Variants in KIAA1614 observed in about 807,000 individuals in gnomAD.
The protein encoded by KIAA1614 is KIAA1614.
In KIAA1614, 76 loss-of-function variants were observed where a neutral mutation model predicts 88.7. That is an observed-to-expected ratio of 0.86 (90% CI 0.71 to 1.04). The LOEUF (loss-of-function observed/expected upper bound fraction) is 1.04, where lower values mean the gene tolerates loss of function less well. Among genes scored for constraint, KIAA1614 ranks in the 50% least tolerant of loss-of-function variants. KIAA1614 has a pLI of 0.00. For synonymous variants in KIAA1614, 714 were observed against 675.5 expected, an observed-to-expected ratio of 1.06 and a Z score of -0.88; for missense variants, 1,553 against 1,582.5, an observed-to-expected ratio of 0.98 and a Z score of 0.32.
chr1:180,936,393 T>C lies in KIAA1614; in HGVS notation c.2484T>C (p.Ala828=), dbSNP rs1247013167. The part of the protein sequence containing the change: ...SPVSHRKAAL[A]GLLRLGDQTE... ...TGTCTCACAGGAAGGCAGCCCTGGCTGGACTGCTCAGGCTGGGTGACCAGA... is the reference window on the plus strand; with the variant it reads ...TGTCTCACAGGAAGGCAGCCCTGGCCGGACTGCTCAGGCTGGGTGACCAGA... Residue 828 remains alanine, a synonymous_variant, in exon 5 of 9, where the codon GCT becomes GCC. Transcript: ENST00000367588. 2.5e-6 allele frequency: 4 copies of C among 1,614,090 alleles called. No individual in the cohort carries two copies. Among genetic ancestry groups the C allele is most frequent in the African/African-American group, 1.3e-5 (1 of 74,946 alleles).
intron 1 of KIAA1614, among the ~76,000 whole-genome samples, chr1:180,913,623 A>C (rs1315520378): frequency 1.3e-5 from 2 of 152,060 alleles, no homozygotes; most frequent in African/African-American, 4.8e-5. Flanking sequence ...CCCATCAACA[A>C]TTCTTACTTT....
At chr1:180,919,197 G>A (rs915246279) in intron 3 of KIAA1614, among the ~76,000 whole-genome samples, 4 of 152,170 alleles carry the variant, frequency 2.6e-5, no homozygotes, top group African/African-American at 4.8e-5. Flanking sequence ...TTAACCAAGC[G>A]AGGGCAGCCC....
chr1:180,950,185 G>T lies in KIAA1614; in HGVS notation c.*4597G>T, dbSNP rs1162203107. ...TGGTTGTGAGATGGAATAATGAGGG[G>T]TGTGTGTATGTGTGCATGCGCACAG... On this transcript the variant is annotated 3_prime_UTR_variant, in exon 9 of 9. Coordinates refer to ENST00000367588, the MANE Select transcript of KIAA1614 (RefSeq NM_020950.2). 2 of 235,574 alleles carry T rather than the reference G, an allele frequency of 8.5e-6. No homozygotes were observed. The highest frequency in any genetic ancestry group is 1.6e-5 in the Non-Finnish European group (2 of 127,680). The allele number at this position is 235,574 out of a possible 1,614,324, so 14.6% of individuals were successfully genotyped here. A position where few individuals can be genotyped will look rare whatever the true frequency, so the allele number is the denominator to read the frequency against.
rs1654605495 is a variant in KIAA1614 at position 180,946,771 on chromosome 1, T to G, written c.*1183T>G. On this transcript the variant is annotated 3_prime_UTR_variant, in exon 9 of 9. Transcript: ENST00000367588. The stretch of plus-strand genomic sequence containing the variant: ...GCTACCACATTTGCAGACCACAGCA[T>G]GAGTTCTCATGTCTGTTCCATCATT... The G allele has an allele frequency of 6.6e-6, 1 of 152,240 alleles. No homozygotes were observed. Among genetic ancestry groups the G allele is most frequent in the Non-Finnish European group, 1.5e-5 (1 of 68,056 alleles). 9.4% of individuals were successfully genotyped at this position (152,240 alleles called of 1,614,324 possible).
At chr1:180,928,647 T>A in intron 4 of KIAA1614, 74 bp downstream of exon 4, 1 of 1,471,926 alleles carries the variant, frequency 6.8e-7, no homozygotes, top group Non-Finnish European at 9.1e-7. Flanking sequence ...AGAAGTGGGA[T>A]CTAGCCAAAT....
Position 180,917,926 on chromosome 1 carries a change from G to A in KIAA1614, c.1061+12G>A. ...TCCGGCCAGAACAGGTAAGAGCTCAGAGCCCACATTTTCTCTCCCTCCCTC... is the reference window on the plus strand; with the variant it reads ...TCCGGCCAGAACAGGTAAGAGCTCAAAGCCCACATTTTCTCTCCCTCCCTC... On this transcript the variant is annotated intron_variant, in intron 3 of 8. Coordinates refer to ENST00000367588, the MANE Select transcript of KIAA1614 (RefSeq NM_020950.2). 6.2e-7 allele frequency: 1 copy of A among 1,612,300 alleles called. No homozygotes were observed. Among genetic ancestry groups the A allele is most frequent in the Non-Finnish European group, 8.5e-7 (1 of 1,178,680 alleles).
chr1:180,917,101 G>A lies in KIAA1614; in HGVS notation c.997+1G>A. ...CCATCCTGGGACACAGCTGCACCAG[G>A]TGAAGCTCACTGTGTAGGTCCAGGT... On this transcript the variant is annotated splice_donor_variant, in intron 2 of 8. Transcript: ENST00000367588. LOFTEE classifies it high-confidence loss of function. 6.2e-7 allele frequency: 1 copy of A among 1,611,514 alleles called. No homozygotes were observed. Among genetic ancestry groups the A allele is most frequent in the Admixed American group, 1.7e-5 (1 of 59,912 alleles).
rs527875932 is a variant in KIAA1614 at position 180,913,361 on chromosome 1, G to A, written c.50+68G>A. ...GGCGGACCGGCGGGGCGGAGGAGCG[G>A]GGAGCCCAGGTCGCCCCGGCCACTG... On this transcript the variant is annotated intron_variant, in intron 1 of 8. Transcript: ENST00000367588. 255 of 1,086,832 alleles carry A rather than the reference G, an allele frequency of 2.3e-4. No homozygotes were observed. In the African/African-American group the frequency reaches 3.8e-3, roughly 16 times the overall value. 67.3% of individuals were successfully genotyped at this position (1,086,832 alleles called of 1,614,324 possible).
At position 180,935,567 on chromosome 1, in the gene KIAA1614, C is replaced by T. The variant is rs750300070; in HGVS notation, c.1658C>T (p.Ala553Val). Reference protein sequence around the residue: ...IDDPRPAQGKAPPVPRTLQEL... With the variant: ...IDDPRPAQGKVPPVPRTLQEL... ...GACCCGCGCCCCGCCCAGGGGAAGGCGCCCCCCGTCCCCAGGACCCTCCAG... is the reference window on the plus strand; with the variant it reads ...GACCCGCGCCCCGCCCAGGGGAAGGTGCCCCCCGTCCCCAGGACCCTCCAG... The change falls in exon 5 of 9, where the codon GCG becomes GTG. Residue 553 changes from alanine to valine, a missense_variant. Physicochemically the swap from Ala to Val is moderately conservative, Grantham distance 64. Coordinates refer to ENST00000367588, the MANE Select transcript of KIAA1614 (RefSeq NM_020950.2). This position sits in a 1 kb window ranked among gnomAD's most constrained non-coding sequence, Gnocchi z 6.1. The T allele has an allele frequency of 6.2e-7, 1 of 1,602,114 alleles. No individual in the cohort carries two copies. Among genetic ancestry groups the T allele is most frequent in the African/African-American group, 1.3e-5 (1 of 74,800 alleles).
chr1:180,916,049 T>G (rs1253912590), intron 1 of KIAA1614, 105 bp from the exon 2 acceptor site: 1 of 700,210 alleles, frequency 1.4e-6, no homozygotes, highest in Non-Finnish European at 2.3e-6. Context: ...TCCAGGTTAC[T>G]TTCATCTGGA....
rs200763427 is a variant in KIAA1614 at position 180,916,400 on chromosome 1, G to A, written c.297G>A (p.Gln99=). Residue 99 remains glutamine (Q), a synonymous_variant, in exon 2 of 9, where the codon CAG becomes CAA. Transcript: ENST00000367588. ...ALKEKMTVAK[Q]GVSPCSASQE... is the part of the protein sequence containing the mutation. ...AGGAGAAGATGACAGTGGCCAAACA[G>A]GGAGTGAGTCCCTGCTCTGCTTCCC... The A allele has an allele frequency of 3.4e-5, 55 of 1,614,218 alleles. No homozygotes were observed. The African/African-American group carries it at 4.8e-4, about 14-fold the overall frequency.
At position 180,928,500 on chromosome 1, in the gene KIAA1614, G is replaced by A. The variant is rs371945106; in HGVS notation, c.1132G>A (p.Ala378Thr). The change falls in exon 4 of 9, where the codon GCC (alanine) becomes ACC (threonine). Residue 378 changes from alanine to threonine, a missense_variant. Coordinates refer to ENST00000367588, the MANE Select transcript of KIAA1614 (RefSeq NM_020950.2). ...GGAAGCCACGCATCTGCTGCAGCGTGCCCGCATGAAGGCCAGGACCCGGCC... is the reference window on the plus strand; with the variant it reads ...GGAAGCCACGCATCTGCTGCAGCGTACCCGCATGAAGGCCAGGACCCGGCC... The part of the protein sequence containing the change: ...HEEATHLLQR[A>T]RMKARTRPLR... 5.4e-5 allele frequency: 87 copies of A among 1,613,034 alleles called. No homozygotes were observed. The highest frequency in any genetic ancestry group is 7.2e-5 in the Non-Finnish European group (85 of 1,179,988).
In KIAA1614 at chr1:180,936,360, C is replaced by T. The variant is rs1654333901; in HGVS notation, c.2451C>T (p.Thr817=). 5 of 1,614,252 alleles carry T rather than the reference C, an allele frequency of 3.1e-6. No individual in the cohort carries two copies. Among genetic ancestry groups the T allele is most frequent in the Non-Finnish European group, 4.2e-6 (5 of 1,180,036 alleles). The change falls in exon 5 of 9, where the codon ACC becomes ACT. Residue 817 remains threonine (T), a synonymous_variant. Coordinates refer to ENST00000367588, the MANE Select transcript of KIAA1614 (RefSeq NM_020950.2). ...APTPPPSRKT[T]SPVSHRKAAL... ...CCCCTCCCCCTTCGAGGAAAACCAC[C>T]TCGCCAGTGTCTCACAGGAAGGCAG...
rs1291569739 is a variant in KIAA1614, at chr1:180,936,240, TC to T, written c.2333del (p.Pro778LeufsTer223). 2.5e-6 allele frequency: 4 copies of T among 1,614,148 alleles called. No homozygotes were observed. In the South Asian group the frequency reaches 4.4e-5, roughly 18 times the overall value. ...ESHESLEIVSPSSLQQSHAEP... is the reference protein window; with the variant it reads ...ESHESLEIVSXSSLQQSHAEP... ...GCCACGAGTCCCTGGAAATTGTCTC[TC>T]CTTCCTCCCTGCAACAGAGCCATGC... On this transcript the variant is annotated frameshift_variant, in exon 5 of 9. Coordinates refer to ENST00000367588, the MANE Select transcript of KIAA1614 (RefSeq NM_020950.2). LOFTEE classifies it high-confidence loss of function.
chr1:180,915,879 A>G (rs1235402739), intron 1 of KIAA1614, among the ~76,000 whole-genome samples: 1 of 152,180 alleles, frequency 6.6e-6, no homozygotes, highest in Non-Finnish European at 1.5e-5. Flanking sequence ...TCCTTATGAG[A>G]ATCTAATGCC....
rs940829141 is a variant in KIAA1614 at position 180,949,371 on chromosome 1, G to C, written c.*3783G>C. ...GCATCAGGGGGTCCAGCCTGCCCTG[G>C]GAGAGCCAGCACCTCACTTACTCTC... On this transcript the variant is annotated 3_prime_UTR_variant, in exon 9 of 9. Transcript: ENST00000367588. 2.0e-5 allele frequency: 3 copies of C among 152,296 alleles called. No individual in the cohort carries two copies. The highest frequency in any genetic ancestry group is 7.2e-5 in the African/African-American group (3 of 41,458). The allele number at this position is 152,296 out of a possible 1,614,324, so 9.4% of individuals were successfully genotyped here.
chr1:180,937,977 C>G (rs1406756199), intron 5 of KIAA1614, among the ~76,000 whole-genome samples: 1 of 152,224 alleles, frequency 6.6e-6, no homozygotes, highest in African/African-American at 2.4e-5. Flanking sequence ...GTCCCTCAGT[C>G]CCTTAGCCTG....
At chr1:180,932,273 T>C (rs534549518) in intron 4 of KIAA1614, among the ~76,000 whole-genome samples, 10 of 152,272 alleles carry the variant, frequency 6.6e-5, no homozygotes, top group African/African-American at 2.4e-4. Flanking sequence ...TCCTGCTCAG[T>C]AGCCTACATC....
chr1:180,917,247 G>C (rs1375812403), intron 2 of KIAA1614, 147 bp downstream of exon 2: 1 of 663,932 alleles, frequency 1.5e-6, no homozygotes, highest in African/African-American at 1.8e-5. Context: ...TCATCAGGAT[G>C]GCCTCTTGTC....
Sources: allele counts gnomAD v4.1 joint callset (sites outside exome capture counted in the v4.1 genomes callset), GRCh38; gene constraint gnomAD v4.1.1; non-coding constraint Gnocchi (gnomAD v3.1); transcripts MANE v1.5; gene names NCBI Gene and HGNC (gene_info 2026-07-23, HGNC 2026-07-21).